Variants in MGAT4D observed in about 807,000 individuals in gnomAD.
MGAT4D encodes alpha-1,3-mannosyl-glycoprotein 4-beta-N-acetylglucosaminyltransferase-like protein MGAT4D.
MGAT4D carries 34 observed loss-of-function variants against 15.9 expected under a neutral mutation model. The observed-to-expected ratio is 2.14, with a 90% CI of 1.62 to 2.84. MGAT4D has a LOEUF of 2.84. MGAT4D is among the 30% of genes most tolerant of loss of function. The pLI, the probability that MGAT4D is intolerant of heterozygous loss-of-function variation, is 0.00. For missense variants in MGAT4D, 327 were observed against 140.2 expected (o/e 2.33, Z -6.73); for synonymous variants, 112 against 48.2 (o/e 2.33, Z -5.49).
At position 140,471,768 on chromosome 4, in the gene MGAT4D, T is replaced by C. The variant is rs1731977719; in HGVS notation, c.572+7A>G. The stretch of plus-strand genomic sequence containing the variant: ...GCTAATGTAAAAATATATCAGACAG[T>C]ACTTACTTTTTTGTAATCATTTTAA... On this transcript the variant is annotated splice_region_variant and intron_variant, in intron 5 of 10. Coordinates refer to ENST00000511113, the MANE Select transcript of MGAT4D (RefSeq NM_001277353.2). 4.2e-6 allele frequency: 2 copies of C among 480,226 alleles called. No homozygotes were observed. Among genetic ancestry groups the C allele is most frequent in the African/African-American group, 2.0e-5 (1 of 50,558 alleles). The allele number at this position is 480,226 out of a possible 1,614,324, so 29.7% of individuals were successfully genotyped here.
At position 140,497,751 on chromosome 4, in the gene MGAT4D, G is replaced by A. The variant is rs1578736357; in HGVS notation, c.94+378C>T. 3.3e-5 allele frequency among the ~76,000 whole-genome samples: 5 copies of A among 152,344 alleles called. 1 individual carries two copies. In the South Asian group the frequency reaches 8.3e-4, roughly 25 times the overall value. On this transcript the variant is annotated intron_variant, in intron 1 of 10. Transcript: ENST00000511113. ...ATGCGGACAGATGCTGGCTGTGTAA[G>A]AGCAGTTCTTGGGGTCAGACAGCCA...
intron 1 of MGAT4D, 46 bp from the exon 2 acceptor site, chr4:140,482,531 T>C (rs764692800): frequency 1.9e-5 from 11 of 565,122 alleles, no homozygotes; most frequent in Non-Finnish European, 2.8e-5. Flanking sequence ...AGCAATGGTG[T>C]CACACAATTT....
intron 1 of MGAT4D, among the ~76,000 whole-genome samples, chr4:140,483,975 A>G (rs2126836581): frequency 6.6e-6 from 1 of 152,316 alleles, no homozygotes; most frequent in Admixed American, 6.5e-5. Context: ...ATATGACTCC[A>G]AAATAACAGA....
chr4:140,464,884 A>G lies in MGAT4D; in HGVS notation c.686+12T>C, dbSNP rs1731427447. On this transcript the variant is annotated intron_variant, in intron 6 of 10. Transcript: ENST00000511113. ...TAGTTATTTAAGGCTACTATTTTCT[A>G]ATATGACATACCTGGCTAATTTTTG... The G allele has an allele frequency of 1.4e-6, 1 of 701,406 alleles. No homozygotes were observed. The allele number at this position is 701,406 out of a possible 1,614,324, so 43.4% of individuals were successfully genotyped here.
intron 10 of MGAT4D, among the ~76,000 whole-genome samples, chr4:140,447,599 A>T (rs1459740531): frequency 6.6e-6 from 1 of 152,020 alleles, no homozygotes; most frequent in Non-Finnish European, 1.5e-5. Flanking sequence ...GAGTCACTGT[A>T]TGTGAGATGG....
In MGAT4D at chr4:140,482,435, T is replaced by C. The variant is rs1019121000; in HGVS notation, c.145A>G (p.Met49Val). ...TCAGTTTTGTTTCTTAAGTGTAGCATATTTTCTTTAAACTCCAAAATATGG... is the reference window on the plus strand; with the variant it reads ...TCAGTTTTGTTTCTTAAGTGTAGCACATTTTCTTTAAACTCCAAAATATGG... ...RNHILEFKEN[M>V]LHLRNKTEKN... Residue 49 changes from methionine (M) to valine (V), a missense_variant, in exon 2 of 11, where the codon ATG (methionine) becomes GTG (valine). Physicochemically the swap from Met to Val is conservative, Grantham distance 21. Coordinates refer to ENST00000511113, the MANE Select transcript of MGAT4D (RefSeq NM_001277353.2). 2.0e-5 allele frequency: 13 copies of C among 638,450 alleles called. No homozygotes were observed. The Admixed American group carries it at 2.3e-4, about 11-fold the overall frequency. 39.5% of individuals were successfully genotyped at this position (638,450 alleles called of 1,614,324 possible).
intron 1 of MGAT4D, 98 bp from the exon 2 acceptor site, chr4:140,482,583 T>A (rs1732817505): frequency 5.7e-6 from 3 of 523,344 alleles, no homozygotes; most frequent in Non-Finnish European, 1.0e-5. Context: ...TTCAATATAG[T>A]TATATATAGT....
intron 10 of MGAT4D, among the ~76,000 whole-genome samples, chr4:140,445,832 A>G (rs2126658091): frequency 6.6e-6 from 1 of 152,268 alleles, no homozygotes; most frequent in South Asian, 2.1e-4. Context: ...TGAAGATCAG[A>G]TGGCTGTAGA....
chr4:140,463,416 G>A (rs1731323840), intron 6 of MGAT4D, among the ~76,000 whole-genome samples: 1 of 152,016 alleles, frequency 6.6e-6, no homozygotes, highest in South Asian at 2.1e-4. Context: ...CGAAGGTGTG[G>A]GCAGGCAGGG....
intron 5 of MGAT4D, among the ~76,000 whole-genome samples, chr4:140,471,227 T>C (rs1040166887): frequency 1.2e-4 from 16 of 133,686 alleles, no homozygotes; most frequent in Non-Finnish European, 1.6e-4. Context: ...CTCCTTTTTG[T>C]TTCCTTCCTT....
In MGAT4D at chr4:140,460,066, C is replaced by T. The variant is rs538323230; in HGVS notation, c.763-440G>A. Among the ~76,000 whole-genome samples, 8 of 152,162 alleles carry T rather than the reference C, an allele frequency of 5.3e-5. No homozygotes were observed. The South Asian group carries it at 1.0e-3, about 20-fold the overall frequency. Reference sequence around the variant, plus strand: ...AGATTACAGGTATGAGACACCACACCCTGCTCCATGTTTGATTCTGAGATT... The same window carrying T: ...AGATTACAGGTATGAGACACCACACTCTGCTCCATGTTTGATTCTGAGATT... On this transcript the variant is annotated intron_variant, in intron 7 of 10. Transcript: ENST00000511113.
In MGAT4D at chr4:140,498,207, C is replaced by T. The variant is rs1279199164; in HGVS notation, c.16G>A (p.Val6Met). Residue 6 changes from valine (V) to methionine (M), a missense_variant, in exon 1 of 11, where the codon GTG (valine) becomes ATG (methionine). Coordinates refer to ENST00000511113, the MANE Select transcript of MGAT4D (RefSeq NM_001277353.2). MRTKQVNLLITLVAVA... is the reference protein window; with the variant it reads MRTKQMNLLITLVAVA... ...GCGACCAGGGTGATCAGCAAGTTCACCTGCTTGGTCCTCATGGCCCTGGCC... is the reference window on the plus strand; with the variant it reads ...GCGACCAGGGTGATCAGCAAGTTCATCTGCTTGGTCCTCATGGCCCTGGCC... The T allele has an allele frequency of 1.9e-5, 13 of 702,430 alleles. No homozygotes were observed. In the East Asian group the frequency reaches 2.4e-4, roughly 13 times the overall value. 43.5% of individuals were successfully genotyped at this position (702,430 alleles called of 1,614,324 possible).
chr4:140,481,637 A>G (rs1034414827), intron 2 of MGAT4D, among the ~76,000 whole-genome samples: 2 of 152,206 alleles, frequency 1.3e-5, no homozygotes, highest in African/African-American at 2.4e-5. Context: ...CAGCACTATA[A>G]ACAGAACAAT....
At chr4:140,450,741 G>A (rs1252759534) in intron 10 of MGAT4D, among the ~76,000 whole-genome samples, 2 of 152,164 alleles carry the variant, frequency 1.3e-5, no homozygotes, top group Admixed American at 1.3e-4. Context: ...GAGGGTGGAA[G>A]AAACCTGAAG....
chr4:140,475,976 T>C (rs544152818), intron 3 of MGAT4D, among the ~76,000 whole-genome samples: 5 of 152,118 alleles, frequency 3.3e-5, no homozygotes, highest in African/African-American at 9.6e-5. Flanking sequence ...CATGCCCGGC[T>C]AACTTTTGTA....
Position 140,464,876 on chromosome 4 carries a change from T to C in MGAT4D, c.686+20A>G. ...GATGAAGTTAGTTATTTAAGGCTAC[T>C]ATTTTCTAATATGACATACCTGGCT... On this transcript the variant is annotated intron_variant, in intron 6 of 10. Transcript: ENST00000511113. 1 of 701,218 alleles carries C rather than the reference T, an allele frequency of 1.4e-6. No individual in the cohort carries two copies. The highest frequency in any genetic ancestry group is 2.6e-6 in the Non-Finnish European group (1 of 384,406). 43.4% of individuals were successfully genotyped at this position (701,218 alleles called of 1,614,324 possible). A position where few individuals can be genotyped will look rare whatever the true frequency, so the allele number is the denominator to read the frequency against.
In MGAT4D at chr4:140,459,495, G is replaced by A; in HGVS notation, c.877+17C>T. ...GTGCTAAAAAACTTGATCCAACAAA[G>A]TAAATCCATTGCTTACCTATGAATC... On this transcript the variant is annotated intron_variant, in intron 8 of 10. Coordinates refer to ENST00000511113, the MANE Select transcript of MGAT4D (RefSeq NM_001277353.2). 4.5e-6 allele frequency: 2 copies of A among 445,136 alleles called. No individual in the cohort carries two copies. Among genetic ancestry groups the A allele is most frequent in the Non-Finnish European group, 8.0e-6 (2 of 249,030 alleles). The allele number at this position is 445,136 out of a possible 1,614,324, so 27.6% of individuals were successfully genotyped here.
chr4:140,455,674 C>T (rs1730750006), intron 9 of MGAT4D, among the ~76,000 whole-genome samples: 1 of 152,192 alleles, frequency 6.6e-6, no homozygotes. Flanking sequence ...AAATCTCCAA[C>T]TGTAATTGTA....
Position 140,451,510 on chromosome 4 carries a change from C to A in MGAT4D, c.1016G>T (p.Cys339Phe). 1.8e-6 allele frequency: 1 copy of A among 559,318 alleles called. No individual in the cohort carries two copies. Among genetic ancestry groups the A allele is most frequent in the South Asian group, 2.6e-5 (1 of 38,568 alleles). 34.6% of individuals were successfully genotyped at this position (559,318 alleles called of 1,614,324 possible). A position where few individuals can be genotyped will look rare whatever the true frequency, so the allele number is the denominator to read the frequency against. Residue 339 changes from cysteine (C) to phenylalanine (F), a missense_variant, in exon 10 of 11, where the codon TGT (cysteine) becomes TTT (phenylalanine). By Grantham distance (205) the Cys-to-Phe change is radical (BLOSUM62 -2). Coordinates refer to ENST00000511113, the MANE Select transcript of MGAT4D (RefSeq NM_001277353.2). ...ACGTATTTGCTTCTTTCGTTTCATACAGTTTCTCTGGGGAAAAAGAAACAA... is the reference window on the plus strand; with the variant it reads ...ACGTATTTGCTTCTTTCGTTTCATAAAGTTTCTCTGGGGAAAAAGAAACAA... ...VCDAGEDLRN[C>F]MKRKKQIRIQ...
Sources: allele counts gnomAD v4.1 joint callset (sites outside exome capture counted in the v4.1 genomes callset), GRCh38; gene constraint gnomAD v4.1.1; transcripts MANE v1.5; gene names NCBI Gene and HGNC (gene_info 2026-07-23, HGNC 2026-07-21).